Variants in NTM observed in about 807,000 individuals in gnomAD.
The protein encoded by NTM is neurotrimin.
Under a neutral mutation model 42.1 loss-of-function variants are expected in NTM, and 13 were observed. The observed-to-expected ratio is 0.31, with a 90% CI of 0.20 to 0.49. NTM has a LOEUF of 0.49. Among genes scored for constraint, NTM ranks in the 20% least tolerant of loss-of-function variants. The probability of loss-of-function intolerance (pLI) is 0.99; values close to 1 mark genes in which losing one functional copy is unlikely to be tolerated. For synonymous variants in NTM, 187 were observed against 179.2 expected, an observed-to-expected ratio of 1.04 and a Z score of -0.35; for missense variants, 373 against 452.8, an observed-to-expected ratio of 0.82 and a Z score of 1.60.
chr11:131,985,192 T>G (rs1260705334), intron 2 of NTM, among the ~76,000 whole-genome samples: 1 of 152,208 alleles, frequency 6.6e-6, no homozygotes, highest in Non-Finnish European at 1.5e-5. Context: ...TATCCATTTC[T>G]TCTAGAGCCG....
chr11:131,761,176 G>T (rs2084110395), intron 1 of NTM, among the ~76,000 whole-genome samples: 1 of 152,146 alleles, frequency 6.6e-6, no homozygotes, highest in Admixed American at 6.5e-5. Flanking sequence ...AATCGACTTT[G>T]CAGGACCTGT....
chr11:131,612,630 C>T (rs1013194106), intron 1 of NTM, among the ~76,000 whole-genome samples: 1 of 152,242 alleles, frequency 6.6e-6, no homozygotes, highest in African/African-American at 2.4e-5. Flanking sequence ...AAATTGCAGA[C>T]AGTTACAGAT....
chr11:131,521,534 G>A (rs888114645), intron 1 of NTM, among the ~76,000 whole-genome samples: 23 of 150,538 alleles, frequency 1.5e-4, no homozygotes, highest in African/African-American at 5.1e-4. Flanking sequence ...TCAGCCTCCC[G>A]AGTAGCTGGG....
chr11:131,511,406 G>A (rs997136952), intron 1 of NTM, among the ~76,000 whole-genome samples: 7 of 151,864 alleles, frequency 4.6e-5, no homozygotes, highest in Admixed American at 1.3e-4. Flanking sequence ...TTCGCCTGCC[G>A]CTGGCCAGGG....
In NTM at chr11:131,389,012, CA is replaced by C. The variant is rs71475749; in HGVS notation, c.82+18140del. On this transcript the variant is annotated intron_variant, in intron 1 of 8. Coordinates refer to ENST00000683400, the MANE Select transcript of NTM (RefSeq NM_001352005.2). ...GGGCGACAAGAGCAAGACTTCATCA[CA>C]AAAAAAAAAAAAAAAGAAAAGAAAA... Among the ~76,000 whole-genome samples, 581 of 98,300 alleles carry C rather than the reference CA, an allele frequency of 5.9e-3. 9 individuals carry two copies. The highest frequency in any genetic ancestry group is 0.019 in the African/African-American group (497 of 26,324). 64.5% of individuals were successfully genotyped at this position (98,300 alleles called of 152,430 possible). A position where few individuals can be genotyped will look rare whatever the true frequency, so the allele number is the denominator to read the frequency against.
intron 1 of NTM, among the ~76,000 whole-genome samples, chr11:131,453,689 G>A (rs373611102): frequency 2.0e-4 from 30 of 152,266 alleles, no homozygotes; most frequent in African/African-American, 7.2e-4. Context: ...TAAGTGAAAG[G>A]GAACTGTCTA....
chr11:132,272,761 ATT>A (rs979069246), intron 4 of NTM, among the ~76,000 whole-genome samples: 3 of 151,862 alleles, frequency 2.0e-5, no homozygotes, highest in African/African-American at 7.2e-5. Context: ...ATTAGTTTGA[ATT>A]TTTTTTAGTG....
chr11:131,865,105 C>A (rs516721), intron 1 of NTM, among the ~76,000 whole-genome samples: 1 of 152,132 alleles, frequency 6.6e-6, no homozygotes, highest in African/African-American at 2.4e-5. Context: ...CTGTATCATG[C>A]GCTCTACCCT....
chr11:131,821,674 T>A (rs926873279), intron 1 of NTM, among the ~76,000 whole-genome samples: 13 of 152,214 alleles, frequency 8.5e-5, no homozygotes, highest in African/African-American at 2.4e-4. Context: ...TAAATGACTT[T>A]AAAATGCATG....
rs1555101753 is a variant in NTM, at chr11:131,401,820, A to ATATATATGTGTG, written c.82+30939_82+30940insGTGTGTATATAT. 2.4e-4 allele frequency among the ~76,000 whole-genome samples: 12 copies of ATATATATGTGTG among 49,914 alleles called. 2 individuals carry two copies. The highest frequency in any genetic ancestry group is 9.1e-4 in the African/African-American group (10 of 11,036). 32.7% of individuals were successfully genotyped at this position (49,914 alleles called of 152,430 possible). A position where few individuals can be genotyped will look rare whatever the true frequency, so the allele number is the denominator to read the frequency against. Reference sequence around the variant, plus strand: ...TGGAAATATATATATATATATATATATATATATATATATATATATATATAT... The same window carrying ATATATATGTGTG: ...TGGAAATATATATATATATATATATATATATATGTGTGTATATATATATATATATATATATAT... On this transcript the variant is annotated intron_variant, in intron 1 of 8. Transcript: ENST00000683400.
chr11:131,408,756 G>A (rs1298456440), intron 1 of NTM, among the ~76,000 whole-genome samples: 1 of 152,156 alleles, frequency 6.6e-6, no homozygotes, highest in Non-Finnish European at 1.5e-5. Flanking sequence ...CGTATTCTCA[G>A]CTAAATCACT....
At chr11:131,940,369 T>C (rs551120449) in intron 2 of NTM, among the ~76,000 whole-genome samples, 1 of 152,352 alleles carries the variant, frequency 6.6e-6, no homozygotes, top group South Asian at 2.1e-4. Flanking sequence ...GTGGTGCTTG[T>C]TGGAGATAAA....
intron 3 of NTM, among the ~76,000 whole-genome samples, chr11:132,174,831 G>T (rs967347535): frequency 2.0e-5 from 3 of 152,170 alleles, no homozygotes; most frequent in South Asian, 4.2e-4. Flanking sequence ...AATGCTTCAC[G>T]TCTGTTTGTG....
intron 1 of NTM, among the ~76,000 whole-genome samples, chr11:131,675,844 T>C (rs113317791): frequency 0.032 from 4,920 of 152,282 alleles, 268 homozygotes; most frequent in African/African-American, 0.11. Flanking sequence ...TTAAATCCCC[T>C]AAAAGAAAAT....
chr11:132,255,413 G>A (rs1021748932), intron 4 of NTM, among the ~76,000 whole-genome samples: 4 of 152,164 alleles, frequency 2.6e-5, no homozygotes, highest in African/African-American at 9.7e-5. Flanking sequence ...CTCTGACGGT[G>A]TTCCATCTGT....
chr11:131,671,351 A>T, intron 1 of NTM: 1 of 871,588 alleles, frequency 1.1e-6, no homozygotes, highest in South Asian at 5.3e-5. Context: ...ATCACTGCAC[A>T]CTTTATTTAT....
At position 132,000,039 on chromosome 11, in the gene NTM, CA is replaced by C. The variant is rs576326779; in HGVS notation, c.167+88393del. Among the ~76,000 whole-genome samples, 44 of 152,140 alleles carry C rather than the reference CA, an allele frequency of 2.9e-4. 2 individuals carry two copies. In the South Asian group the frequency reaches 9.2e-3, roughly 32 times the overall value. Reference sequence around the variant, plus strand: ...CCTAATCAAATCTCTCATAAGACATCAAGGGAACCCTGAACCAAAGCAACTC... The same window carrying C: ...CCTAATCAAATCTCTCATAAGACATCAGGGAACCCTGAACCAAAGCAACTC... On this transcript the variant is annotated intron_variant, in intron 2 of 8. Transcript: ENST00000683400.
chr11:131,550,227 G>T (rs377028612), intron 1 of NTM, among the ~76,000 whole-genome samples: 40 of 152,350 alleles, frequency 2.6e-4, no homozygotes, highest in African/African-American at 9.1e-4. Context: ...TGGGAGGATT[G>T]CTTGAGCCCA....
chr11:131,582,606 A>T (rs941423070), intron 1 of NTM, among the ~76,000 whole-genome samples: 11 of 151,890 alleles, frequency 7.2e-5, no homozygotes, highest in Non-Finnish European at 1.3e-4. Flanking sequence ...AAAAAAAAAA[A>T]ATATTATTTA....
Sources: allele counts gnomAD v4.1 joint callset (sites outside exome capture counted in the v4.1 genomes callset), GRCh38; gene constraint gnomAD v4.1.1; transcripts MANE v1.5; gene names NCBI Gene and HGNC (gene_info 2026-07-23, HGNC 2026-07-21).